ARID4B: variants seen among roughly 807,000 people sequenced by gnomAD.
The protein encoded by ARID4B is AT-rich interaction domain 4B, also known as AT-rich interactive domain-containing protein 4B.
Under a neutral mutation model 147.5 loss-of-function variants are expected in ARID4B, and 26 were observed. The ratio of observed to expected loss-of-function variants is 0.18; its 90% CI spans 0.13 to 0.24. ARID4B has a LOEUF of 0.24. Ranked by LOEUF, ARID4B falls within the 10% of genes least tolerant of loss-of-function variation. The pLI is 1.00. For synonymous variants in ARID4B, 512 were observed against 507.9 expected, an observed-to-expected ratio of 1.01 and a Z score of -0.11; for missense variants, 1,179 against 1,511.5, an observed-to-expected ratio of 0.78 and a Z score of 3.65.
chr1:235,323,738 C>T (rs932758899), intron 2 of ARID4B, among the ~76,000 whole-genome samples: 26 of 150,814 alleles, frequency 1.7e-4, no homozygotes, highest in African/African-American at 6.1e-4. Context: ...GAGCCGAGAT[C>T]GCACCACTGC....
intron 2 of ARID4B, among the ~76,000 whole-genome samples, chr1:235,312,674 T>TA (rs951227596): frequency 4.6e-5 from 7 of 151,246 alleles, no homozygotes; most frequent in Admixed American, 6.6e-5. Context: ...ATATTCAGAT[T>TA]AAAAAAAACA....
intron 16 of ARID4B, among the ~76,000 whole-genome samples, chr1:235,216,377 T>C (rs997454309): frequency 6.6e-6 from 1 of 152,040 alleles, no homozygotes; most frequent in African/African-American, 2.4e-5. Context: ...AGACAGAGTC[T>C]CGCTCTGTTG....
intron 2 of ARID4B, among the ~76,000 whole-genome samples, chr1:235,286,630 A>C (rs1671993151): frequency 6.6e-6 from 1 of 152,212 alleles, no homozygotes; most frequent in South Asian, 2.1e-4. Context: ...GAAGAGCTAT[A>C]GTGCATGAGG....
intron 13 of ARID4B, 96 bp from the exon 14 acceptor site, chr1:235,221,758 T>C (rs1667478385): frequency 1.9e-6 from 1 of 532,458 alleles, no homozygotes; most frequent in Non-Finnish European, 3.2e-6. Context: ...TTTTTATATT[T>C]ATTGGTCCTA....
intron 8 of ARID4B, among the ~76,000 whole-genome samples, chr1:235,236,491 GTT>G (rs1558232883): frequency 2.7e-5 from 2 of 73,144 alleles, no homozygotes; most frequent in South Asian, 1.1e-3. Context: ...TTACAAAACA[GTT>G]GTGTGTGTGT....
chr1:235,173,636 C>T (rs1420205340), intron 22 of ARID4B, among the ~76,000 whole-genome samples: 1 of 146,344 alleles, frequency 6.8e-6, no homozygotes, highest in South Asian at 2.2e-4. Context: ...GTGGCTCACA[C>T]CTGTAATCCT....
Position 235,247,038 on chromosome 1 carries a change from T to A in ARID4B, c.355-527A>T, listed in dbSNP as rs559675470. ...AACATTTTCTGCAATAAACCTTTTT[T>A]AATAAAATGTAACATTAATTTAATT... On this transcript the variant is annotated intron_variant, in intron 6 of 23. Coordinates refer to ENST00000264183, the MANE Select transcript of ARID4B (RefSeq NM_016374.6). Among the ~76,000 whole-genome samples the A allele has an allele frequency of 3.9e-5, 6 of 152,314 alleles. No individual in the cohort carries two copies. In the East Asian group the frequency reaches 1.2e-3, roughly 29 times the overall value.
chr1:235,210,299 C>T (rs1666631633), intron 17 of ARID4B, among the ~76,000 whole-genome samples: 1 of 151,986 alleles, frequency 6.6e-6, no homozygotes. Flanking sequence ...ACACAAATCT[C>T]CCAAACTGCT....
In ARID4B at chr1:235,231,204, T is replaced by A. The variant is rs1412174659; in HGVS notation, c.666-15A>T. The A allele has an allele frequency of 2.7e-6, 4 of 1,457,974 alleles. No individual in the cohort carries two copies. The highest frequency in any genetic ancestry group is 3.7e-6 in the Non-Finnish European group (4 of 1,077,076). The allele number at this position is 1,457,974 out of a possible 1,614,324, so 90.3% of individuals were successfully genotyped here. A position where few individuals can be genotyped will look rare whatever the true frequency, so the allele number is the denominator to read the frequency against. On this transcript the variant is annotated splice_polypyrimidine_tract_variant and intron_variant, in intron 9 of 23. Coordinates refer to ENST00000264183, the MANE Select transcript of ARID4B (RefSeq NM_016374.6). ...GAACTGAAGTACTATATATTTTTTT[T>A]AATTATAAGAGAAGAAAAAAAACCC...
At chr1:235,227,814 T>C (rs1399845120) in intron 11 of ARID4B, among the ~76,000 whole-genome samples, 3 of 151,398 alleles carry the variant, frequency 2.0e-5, no homozygotes, top group Non-Finnish European at 1.5e-5. Flanking sequence ...GAGATATTGA[T>C]CTTTACTTTT....
chr1:235,178,937 C>T (rs1027164553), intron 20 of ARID4B, among the ~76,000 whole-genome samples: 3 of 151,754 alleles, frequency 2.0e-5, no homozygotes, highest in African/African-American at 7.3e-5. Flanking sequence ...TTATTTTTTA[C>T]ACCAAGTATG....
At position 235,194,032 on chromosome 1, in the gene ARID4B, C is replaced by A; in HGVS notation, c.2106G>T (p.Ser702=). 6.2e-7 allele frequency: 1 copy of A among 1,606,252 alleles called. No homozygotes were observed. The highest frequency in any genetic ancestry group is 8.5e-7 in the Non-Finnish European group (1 of 1,173,624). ...GTTTACCTTGAAGTCCATTAAGGAT[C>A]GAAGTAATTTCTATGGACTTAATAT... The part of the protein sequence containing the change: ...TAHIKSIEIT[S]ILNGLQASES... The change falls in exon 19 of 24, where the codon TCG becomes TCT. Residue 702 remains serine (S), a synonymous_variant. Coordinates refer to ENST00000264183, the MANE Select transcript of ARID4B (RefSeq NM_016374.6).
At chr1:235,254,852 A>G (rs1241804917) in intron 5 of ARID4B, among the ~76,000 whole-genome samples, 3 of 152,016 alleles carry the variant, frequency 2.0e-5, no homozygotes, top group African/African-American at 7.2e-5. Context: ...ACTAGTAATC[A>G]TGGGAAGGGC....
chr1:235,226,352 ATTCT>A (rs1297308984), intron 11 of ARID4B, among the ~76,000 whole-genome samples: 1 of 152,034 alleles, frequency 6.6e-6, no homozygotes, highest in Non-Finnish European at 1.5e-5. Context: ...AGCAGTAGTA[ATTCT>A]TTTTTTGTTT....
At position 235,182,382 on chromosome 1, in the gene ARID4B, G is replaced by C. The variant is rs370008455; in HGVS notation, c.2537C>G (p.Ala846Gly). ...CATGCAAAGTGATTCTTTGTTCTTG[G>C]CCTTCTCTTCCTTTTTGCCAGGTGA... ...TGSPGKKEEK[A>G]KNKESLCMEN... The change falls in exon 20 of 24, where the codon GCC becomes GGC. Residue 846 changes from alanine (A) to glycine (G), a missense_variant. By Grantham distance (60) the Ala-to-Gly change is moderately conservative. Coordinates refer to ENST00000264183, the MANE Select transcript of ARID4B (RefSeq NM_016374.6). The C allele has an allele frequency of 1.2e-6, 2 of 1,610,070 alleles. No individual in the cohort carries two copies. Among genetic ancestry groups the C allele is most frequent in the South Asian group, 2.2e-5 (2 of 89,792 alleles).
chr1:235,263,172 C>T (rs139309326), intron 2 of ARID4B, among the ~76,000 whole-genome samples: 2 of 151,894 alleles, frequency 1.3e-5, no homozygotes, highest in East Asian at 3.9e-4. Context: ...CAGAGACAAA[C>T]AGTATAGTTA....
chr1:235,245,598 C>G (rs916736651), intron 7 of ARID4B, among the ~76,000 whole-genome samples: 1 of 152,022 alleles, frequency 6.6e-6, no homozygotes, highest in African/African-American at 2.4e-5. Flanking sequence ...AAGAACCAGT[C>G]CTAATTGTCA....
Position 235,219,965 on chromosome 1 carries a change from T to G in ARID4B, c.1411A>C (p.Ser471Arg). Residue 471 changes from serine (S) to arginine (R), a missense_variant, in exon 16 of 24, where the codon AGT becomes CGT. Transcript: ENST00000264183. ...ATAGATTCTAATAAATTCTTTTTACTTCCCTAGAAAAAGATCAGAGGAAAG... is the reference window on the plus strand; with the variant it reads ...ATAGATTCTAATAAATTCTTTTTACGTCCCTAGAAAAAGATCAGAGGAAAG... ...RKENIKPSLG[S>R]KKNLLESIPT... The G allele has an allele frequency of 6.5e-7, 1 of 1,532,044 alleles. No individual in the cohort carries two copies. The highest frequency in any genetic ancestry group is 1.4e-5 in the African/African-American group (1 of 70,884). The allele number at this position is 1,532,044 out of a possible 1,614,324, so 94.9% of individuals were successfully genotyped here.
At chr1:235,279,665 T>G (rs76425971) in intron 2 of ARID4B, among the ~76,000 whole-genome samples, 3,646 of 152,306 alleles carry the variant, frequency 0.024, 71 homozygotes, top group Non-Finnish European at 0.04. Flanking sequence ...GGCCCTTGGC[T>G]AAGAACTCAC....
Sources: allele counts gnomAD v4.1 joint callset (sites outside exome capture counted in the v4.1 genomes callset), GRCh38; gene constraint gnomAD v4.1.1; transcripts MANE v1.5; gene names NCBI Gene and HGNC (gene_info 2026-07-23, HGNC 2026-07-21).